Variants in ARFGAP2 observed in about 807,000 individuals in gnomAD.
ARFGAP2 encodes the protein ARF GTPase activating protein 2.
A neutral mutation model predicts 71.9 loss-of-function variants in ARFGAP2; 45 were observed. That is an observed-to-expected ratio of 0.63 (90% CI 0.49 to 0.80). The LOEUF (loss-of-function observed/expected upper bound fraction) is 0.80, where lower values mean the gene tolerates loss of function less well. Ranked by LOEUF, ARFGAP2 falls within the 30% of genes least tolerant of loss-of-function variation. The pLI, the probability that ARFGAP2 is intolerant of heterozygous loss-of-function variation, is 0.00. For missense variants in ARFGAP2, 633 were observed against 673.9 expected, an observed-to-expected ratio of 0.94 and a Z score of 0.67; for synonymous variants, 248 against 249.2, an observed-to-expected ratio of 1.00 and a Z score of 0.05.
At position 47,170,052 on chromosome 11, in the gene ARFGAP2, C is replaced by T. The variant is rs1047306384; in HGVS notation, c.941+1374G>A. On this transcript the variant is annotated intron_variant, in intron 10 of 15. Coordinates refer to ENST00000524782, the MANE Select transcript of ARFGAP2 (RefSeq NM_032389.6). Reference sequence around the variant, plus strand: ...ACGCCCGTAATCCAAGCACTGGGCGCCGTGGCTCACACCGGTAATCCCAGT... The same window carrying T: ...ACGCCCGTAATCCAAGCACTGGGCGTCGTGGCTCACACCGGTAATCCCAGT... Among the ~76,000 whole-genome samples, 6 of 151,368 alleles carry T rather than the reference C, an allele frequency of 4.0e-5. 1 individual carries two copies. Among genetic ancestry groups the T allele is most frequent in the Admixed American group, 3.9e-4 (6 of 15,214 alleles).
At chr11:47,167,140 G>A (rs374830171) in intron 12 of ARFGAP2, among the ~76,000 whole-genome samples, 140 of 152,336 alleles carry the variant, frequency 9.2e-4, no homozygotes, top group African/African-American at 2.9e-3. Flanking sequence ...CTAGGCTCCT[G>A]CCCAAAAGCA....
chr11:47,166,560 T>C lies in ARFGAP2; in HGVS notation c.1372A>G (p.Ser458Gly). The C allele has an allele frequency of 1.2e-6, 2 of 1,612,514 alleles. No homozygotes were observed. Among genetic ancestry groups the C allele is most frequent in the Non-Finnish European group, 1.7e-6 (2 of 1,180,026 alleles). Reference sequence around the variant, plus strand: ...AAGAGGTCTGAAGAGCTGATGGCACTGCTGCCTGAGAGCTGCTGCAGCCGA... The same window carrying C: ...AAGAGGTCTGAAGAGCTGATGGCACCGCTGCCTGAGAGCTGCTGCAGCCGA... ...RSRLQQLSGS[S>G]AISSSDLFGD... Residue 458 changes from serine to glycine, a missense_variant, in exon 14 of 16, where the codon AGT becomes GGT. Transcript: ENST00000524782.
At chr11:47,174,837 C>T in intron 5 of ARFGAP2, 178 bp downstream of exon 5, 1 of 692,996 alleles carries the variant, frequency 1.4e-6, no homozygotes, top group Non-Finnish European at 2.5e-6. Flanking sequence ...CACTGCACCT[C>T]CATTTATGGA....
At chr11:47,175,608 G>A in intron 3 of ARFGAP2, 2 of 620,768 alleles carry the variant, frequency 3.2e-6, no homozygotes, top group South Asian at 1.9e-5. Flanking sequence ...AAGACCCAAT[G>A]ACTGTGAAGG....
Position 47,165,096 on chromosome 11 carries a change from G to A in ARFGAP2, c.*386C>T. 1 of 215,118 alleles carries A rather than the reference G, an allele frequency of 4.6e-6. No individual in the cohort carries two copies. The highest frequency in any genetic ancestry group is 9.2e-6 in the Non-Finnish European group (1 of 109,258). 13.3% of individuals were successfully genotyped at this position (215,118 alleles called of 1,614,324 possible). ...AAGGCCTCGAACTAGAAGAACCCTAGAGCCAGCAAAAAAAGCCTTCTACCT... is the reference window on the plus strand; with the variant it reads ...AAGGCCTCGAACTAGAAGAACCCTAAAGCCAGCAAAAAAAGCCTTCTACCT... On this transcript the variant is annotated 3_prime_UTR_variant, in exon 16 of 16. Transcript: ENST00000524782.
Position 47,173,855 on chromosome 11 carries a change from A to C in ARFGAP2, c.481-15T>G. The C allele has an allele frequency of 6.3e-7, 1 of 1,588,076 alleles. No homozygotes were observed. Among genetic ancestry groups the C allele is most frequent in the Non-Finnish European group, 8.6e-7 (1 of 1,167,556 alleles). On this transcript the variant is annotated splice_polypyrimidine_tract_variant and intron_variant, in intron 5 of 15. Coordinates refer to ENST00000524782, the MANE Select transcript of ARFGAP2 (RefSeq NM_032389.6). ...CAGGCAGGGGGCTGAAAAGGAGGCCAGATCACAGATGCCTCGGTGAGCCAC... is the reference window on the plus strand; with the variant it reads ...CAGGCAGGGGGCTGAAAAGGAGGCCCGATCACAGATGCCTCGGTGAGCCAC...
rs1952290291 is a variant in ARFGAP2 at position 47,164,933 on chromosome 11, G to C, written c.*549C>G. 1 of 153,462 alleles carries C rather than the reference G, an allele frequency of 6.5e-6. No individual in the cohort carries two copies. Among genetic ancestry groups the C allele is most frequent in the African/African-American group, 2.4e-5 (1 of 41,566 alleles). The allele number at this position is 153,462 out of a possible 1,614,324, so 9.5% of individuals were successfully genotyped here. ...CAGCCCTTGGTAACGCCCAGACAAAGGTCCTTCCCCTCTCCTGGCACCCAG... is the reference window on the plus strand; with the variant it reads ...CAGCCCTTGGTAACGCCCAGACAAACGTCCTTCCCCTCTCCTGGCACCCAG... On this transcript the variant is annotated 3_prime_UTR_variant, in exon 16 of 16. Transcript: ENST00000524782.
intron 10 of ARFGAP2, 59 bp from the exon 11 acceptor site, chr11:47,168,310 C>A (rs1952469135): frequency 1.2e-6 from 2 of 1,605,282 alleles, no homozygotes; most frequent in Non-Finnish European, 1.7e-6. Flanking sequence ...CATCACCGCA[C>A]AAGAGACAAT....
intron 15 of ARFGAP2, 85 bp downstream of exon 15, chr11:47,166,183 A>C: frequency 7.3e-7 from 1 of 1,375,912 alleles, no homozygotes; most frequent in Non-Finnish European, 1.0e-6. Flanking sequence ...TAAGGCTCAG[A>C]GGGGCTGAGC....
chr11:47,175,044 C>T lies in ARFGAP2; in HGVS notation c.451G>A (p.Asp151Asn). ...AVPNHSPEKK[D>N]SDFFTEHTQP... ...GTGTGTTCTGTGAAGAAATCAGAGT[C>T]CTTCTTCTCTGGGGAGTGATTAGGA... The change falls in exon 5 of 16, where the codon GAC becomes AAC. Residue 151 changes from aspartate to asparagine, a missense_variant. Physicochemically the swap from Asp to Asn is conservative, Grantham distance 23 (BLOSUM62 1). Transcript: ENST00000524782. The T allele has an allele frequency of 1.2e-6, 2 of 1,614,156 alleles. No individual in the cohort carries two copies. Among genetic ancestry groups the T allele is most frequent in the Non-Finnish European group, 1.7e-6 (2 of 1,180,014 alleles).
rs1320658113 is a variant in ARFGAP2 at position 47,166,827 on chromosome 11, C to T, written c.1265G>A (p.Arg422His). 3.1e-6 allele frequency: 5 copies of T among 1,614,094 alleles called. No individual in the cohort carries two copies. The highest frequency in any genetic ancestry group is 3.4e-6 in the Non-Finnish European group (4 of 1,180,022). ...GGCTTTGGCTCCTGCGAATTTCTGA[C>T]GCGCCTCACTAGACTCGAGGCCTGA... is the stretch of plus-strand genomic sequence containing the variant. ...RSSGLESSEA[R>H]QKFAGAKAIS... The change falls in exon 13 of 16, where the codon CGT becomes CAT. Residue 422 changes from arginine to histidine, a missense_variant. Physicochemically the swap from Arg to His is conservative, Grantham distance 29. Transcript: ENST00000524782.
At chr11:47,167,786 C>A (rs1590946872) in intron 12 of ARFGAP2, 123 bp downstream of exon 12, 3 of 1,274,654 alleles carry the variant, frequency 2.4e-6, no homozygotes. Flanking sequence ...CCATATTAAA[C>A]AACACAGAGA....
chr11:47,167,032 C>G, intron 12 of ARFGAP2, 146 bp from the exon 13 acceptor site: 1 of 1,105,932 alleles, frequency 9.0e-7, no homozygotes. Flanking sequence ...CTGGGCCCCT[C>G]TCCCCTGGTG....
intron 5 of ARFGAP2, 155 bp from the exon 6 acceptor site, chr11:47,173,995 C>T: frequency 7.0e-7 from 1 of 1,421,702 alleles, no homozygotes; most frequent in Non-Finnish European, 9.5e-7. Context: ...TTGCTATTCA[C>T]TGTGGAAGAA....
rs1394092367 is a variant in ARFGAP2, at chr11:47,172,104, T to G, written c.672+177A>C. 4 of 783,092 alleles carry G rather than the reference T, an allele frequency of 5.1e-6. No individual in the cohort carries two copies. The African/African-American group carries it at 5.2e-5, about 10-fold the overall frequency. The allele number at this position is 783,092 out of a possible 1,614,324, so 48.5% of individuals were successfully genotyped here. A position where few individuals can be genotyped will look rare whatever the true frequency, so the allele number is the denominator to read the frequency against. ...TCTCACCGACTCCTCCCAGCAGCCC[T>G]TGAAGACAGGCTTTAAATCCCTTTA... On this transcript the variant is annotated intron_variant, in intron 8 of 15. Transcript: ENST00000524782.
In ARFGAP2 at chr11:47,173,362, T is replaced by C. The variant is rs372381259; in HGVS notation, c.619+64A>G. On this transcript the variant is annotated intron_variant, in intron 7 of 15. Transcript: ENST00000524782. ...CCACACGGCCAGGCAGTAGGACCTC[T>C]GAAAAGAACATTTGAGGTCCACCCT... 1,884 of 1,535,338 alleles carry C rather than the reference T, an allele frequency of 1.2e-3. 37 individuals are homozygous for C. The South Asian group carries it at 0.021, about 17-fold the overall frequency.
chr11:47,168,911 C>T (rs1952493053), intron 10 of ARFGAP2, among the ~76,000 whole-genome samples: 1 of 151,990 alleles, frequency 6.6e-6, no homozygotes, highest in African/African-American at 2.4e-5. Flanking sequence ...CCCCATCCTT[C>T]ACTGATGGGG....
chr11:47,175,778 C>G (rs1201566516), intron 3 of ARFGAP2, 73 bp downstream of exon 3: 20 of 1,560,458 alleles, frequency 1.3e-5, no homozygotes, highest in Admixed American at 1.7e-5. Flanking sequence ...AACGACAGGG[C>G]CTCTTAGGGA....
In ARFGAP2 at chr11:47,166,713, T is replaced by C. The variant is rs1398715235; in HGVS notation, c.1332+47A>G. The stretch of plus-strand genomic sequence containing the variant: ...AAAGCAGCGGCAGGGAGAAAGCTCA[T>C]GCTTCTGCCTGCTGCCTCGGACCTC... On this transcript the variant is annotated intron_variant, in intron 13 of 15. Transcript: ENST00000524782. 6 of 1,603,778 alleles carry C rather than the reference T, an allele frequency of 3.7e-6. No homozygotes were observed. In the African/African-American group the frequency reaches 4.0e-5, roughly 11 times the overall value.
Sources: gnomAD v4.1 joint callset for allele counts (sites outside exome capture counted in the v4.1 genomes callset) on GRCh38, gnomAD v4.1.1 for gene constraint, MANE v1.5 for transcripts, NCBI Gene and HGNC (gene_info 2026-07-23, HGNC 2026-07-21) for gene names.